Variants in ITGBL1 observed in about 807,000 individuals in gnomAD.
The protein encoded by ITGBL1 is integrin subunit beta like 1.
In ITGBL1, 51 loss-of-function variants were observed where a neutral mutation model predicts 68.5. The ratio of observed to expected loss-of-function variants is 0.74; its 90% CI spans 0.59 to 0.94. The LOEUF is 0.94. Ranked by LOEUF, ITGBL1 falls within the 40% of genes least tolerant of loss-of-function variation. ITGBL1 has a pLI of 0.00. For missense variants in ITGBL1, 649 were observed against 647.4 expected, an observed-to-expected ratio of 1.00 and a Z score of -0.03; for synonymous variants, 209 against 227.3, an observed-to-expected ratio of 0.92 and a Z score of 0.72.
chr13:101,611,241 C>T (rs964199680), intron 7 of ITGBL1, among the ~76,000 whole-genome samples: 6 of 152,264 alleles, frequency 3.9e-5, no homozygotes, highest in Middle Eastern at 3.4e-3. Context: ...GCCAAGTTAA[C>T]GTTGCTTCAT....
chr13:101,546,157 T>G (rs1170696031), intron 2 of ITGBL1, among the ~76,000 whole-genome samples: 1 of 152,176 alleles, frequency 6.6e-6, no homozygotes, highest in Non-Finnish European at 1.5e-5. Context: ...CATGTGAAAT[T>G]AAACTGGTCA....
chr13:101,687,028 T>G (rs1181746982), intron 7 of ITGBL1, among the ~76,000 whole-genome samples: 1 of 152,124 alleles, frequency 6.6e-6, no homozygotes, highest in African/African-American at 2.4e-5. Context: ...TTGTGACCTT[T>G]TAGTTTTATA....
At chr13:101,456,283 T>C (rs2048243042) in intron 2 of ITGBL1, among the ~76,000 whole-genome samples, 1 of 152,214 alleles carries the variant, frequency 6.6e-6, no homozygotes, top group Non-Finnish European at 1.5e-5. Flanking sequence ...CTACAGGGCC[T>C]TGAGCAGAAT....
chr13:101,583,122 A>T, intron 5 of ITGBL1, 94 bp from the exon 6 acceptor site: 1 of 1,305,374 alleles, frequency 7.7e-7, no homozygotes, highest in Non-Finnish European at 1.1e-6. Context: ...TTTTTCAAAC[A>T]CAAAGTAAAC....
chr13:101,659,296 C>G (rs1035617148), intron 7 of ITGBL1, among the ~76,000 whole-genome samples: 5 of 151,946 alleles, frequency 3.3e-5, no homozygotes, highest in African/African-American at 1.2e-4. Flanking sequence ...TTTAACTACA[C>G]CTATTTTTCC....
intron 2 of ITGBL1, among the ~76,000 whole-genome samples, chr13:101,488,442 G>A (rs2048730457): frequency 6.6e-6 from 1 of 152,144 alleles, no homozygotes; most frequent in African/African-American, 2.4e-5. Flanking sequence ...CTGCTTTGAG[G>A]GGAGTAAAAC....
At chr13:101,632,931 C>T (rs2032035282) in intron 7 of ITGBL1, among the ~76,000 whole-genome samples, 1 of 152,166 alleles carries the variant, frequency 6.6e-6, no homozygotes, top group African/African-American at 2.4e-5. Flanking sequence ...AGCAGAGGTT[C>T]TCAAACCTTA....
intron 7 of ITGBL1, among the ~76,000 whole-genome samples, chr13:101,645,885 GA>G (rs1477735322): frequency 6.6e-6 from 1 of 152,078 alleles, no homozygotes; most frequent in Admixed American, 6.6e-5. Flanking sequence ...ATTAAGTGGG[GA>G]AAAATCCTAG....
intron 7 of ITGBL1, among the ~76,000 whole-genome samples, chr13:101,600,365 C>T (rs1437547888): frequency 2.0e-5 from 3 of 152,168 alleles, no homozygotes; most frequent in Non-Finnish European, 4.4e-5. Context: ...TCTAGATATA[C>T]AATCATGTCA....
At chr13:101,497,214 A>G (rs1046005780) in intron 2 of ITGBL1, among the ~76,000 whole-genome samples, 3 of 152,232 alleles carry the variant, frequency 2.0e-5, no homozygotes, top group Admixed American at 1.3e-4. Context: ...AATTATTATA[A>G]CTAACATTAA....
intron 5 of ITGBL1, among the ~76,000 whole-genome samples, chr13:101,579,709 C>T (rs982716453): frequency 6.6e-6 from 1 of 152,282 alleles, no homozygotes; most frequent in Admixed American, 6.5e-5. Context: ...AGACATAGCA[C>T]AGTGCAGCTA....
At chr13:101,701,858 G>A (rs953816132) in intron 8 of ITGBL1, among the ~76,000 whole-genome samples, 1 of 152,112 alleles carries the variant, frequency 6.6e-6, no homozygotes. Context: ...GGGACTTACT[G>A]TTTTATGGGT....
intron 5 of ITGBL1, among the ~76,000 whole-genome samples, chr13:101,582,528 G>T (rs1400074354): frequency 2.0e-5 from 3 of 152,236 alleles, no homozygotes; most frequent in Admixed American, 6.5e-5. Flanking sequence ...CTGCAAATCT[G>T]CAAATGACCA....
At chr13:101,712,978 G>A (rs1029192793) in intron 9 of ITGBL1, 1 of 152,152 alleles carries the variant, frequency 6.6e-6, no homozygotes, top group African/African-American at 2.4e-5. Flanking sequence ...ATTTCCTCAA[G>A]AGCATGCAAA....
chr13:101,560,240 A>G (rs1307555391), intron 2 of ITGBL1, among the ~76,000 whole-genome samples: 1 of 152,208 alleles, frequency 6.6e-6, no homozygotes, highest in Admixed American at 6.5e-5. Context: ...GACTAGAGAA[A>G]AATTGAGTTT....
At chr13:101,620,762 T>C (rs868169574) in intron 7 of ITGBL1, among the ~76,000 whole-genome samples, 7 of 152,252 alleles carry the variant, frequency 4.6e-5, no homozygotes, top group Middle Eastern at 3.4e-3. Flanking sequence ...ATTTCTTATT[T>C]TGGAAAAATT....
intron 7 of ITGBL1, among the ~76,000 whole-genome samples, chr13:101,607,957 A>T (rs2030948579): frequency 6.6e-6 from 1 of 151,954 alleles, no homozygotes; most frequent in Non-Finnish European, 1.5e-5. Flanking sequence ...CTGCAATCCC[A>T]TGTGCTTTTC....
chr13:101,564,348 AAC>A, intron 2 of ITGBL1, among the ~76,000 whole-genome samples: 1 of 151,892 alleles, frequency 6.6e-6, no homozygotes, highest in Admixed American at 6.6e-5. Flanking sequence ...TTAAAGAAAA[AAC>A]TTGATAAATT....
chr13:101,501,782 A>G (rs1420506790), intron 2 of ITGBL1, among the ~76,000 whole-genome samples: 1 of 152,194 alleles, frequency 6.6e-6, no homozygotes, highest in Non-Finnish European at 1.5e-5. Context: ...AGGTCAGCAC[A>G]TCTCCAAGGT....
Sources: gnomAD v4.1 joint callset for allele counts (sites outside exome capture counted in the v4.1 genomes callset) on GRCh38, gnomAD v4.1.1 for gene constraint, MANE v1.5 for transcripts, NCBI Gene and HGNC (gene_info 2026-07-23, HGNC 2026-07-21) for gene names.